UIMC1: variants seen among roughly 807,000 people sequenced by gnomAD.
UIMC1 encodes the protein BRCA1-A complex subunit RAP80.
UIMC1 carries 42 observed loss-of-function variants against 84.9 expected under a neutral mutation model. The ratio of observed to expected loss-of-function variants is 0.49; its 90% CI spans 0.39 to 0.64. The LOEUF (loss-of-function observed/expected upper bound fraction) is 0.64. Among genes scored for constraint, UIMC1 ranks in the 30% least tolerant of loss-of-function variants. The pLI is 0.00. For synonymous variants in UIMC1, 281 were observed against 293.0 expected, an observed-to-expected ratio of 0.96 and a Z score of 0.42; for missense variants, 825 against 847.6, an observed-to-expected ratio of 0.97 and a Z score of 0.33.
At position 176,971,375 on chromosome 5, in the gene UIMC1, C is replaced by T. The variant is rs372283824; in HGVS notation, c.233-509G>A. Among the ~76,000 whole-genome samples the T allele has an allele frequency of 7.2e-5, 11 of 152,282 alleles. No individual in the cohort carries two copies. In the South Asian group the frequency reaches 2.3e-3, roughly 32 times the overall value. ...TTCATTTAAAAGGAACCGGGGTACACTGAAGAAATGGCTGGGTCCCAAGTC... is the reference window on the plus strand; with the variant it reads ...TTCATTTAAAAGGAACCGGGGTACATTGAAGAAATGGCTGGGTCCCAAGTC... On this transcript the variant is annotated intron_variant, in intron 3 of 14. Coordinates refer to ENST00000511320, the MANE Select transcript of UIMC1 (RefSeq NM_001199298.2).
chr5:176,968,330 G>A (rs866409240), intron 6 of UIMC1, among the ~76,000 whole-genome samples: 4 of 150,522 alleles, frequency 2.7e-5, no homozygotes, highest in South Asian at 4.2e-4. Context: ...CGAAGATTGC[G>A]CCATTGCACT....
intron 8 of UIMC1, among the ~76,000 whole-genome samples, chr5:176,953,679 T>C (rs925087296): frequency 2.0e-5 from 3 of 152,182 alleles, no homozygotes; most frequent in Non-Finnish European, 4.4e-5. Context: ...TCAATTATGC[T>C]TTCTGTGAAT....
At chr5:176,980,571 T>C (rs960755480) in intron 2 of UIMC1, among the ~76,000 whole-genome samples, 2 of 152,218 alleles carry the variant, frequency 1.3e-5, no homozygotes, top group Non-Finnish European at 2.9e-5. Flanking sequence ...AAAGAAATTA[T>C]TGCTTATGGT....
At chr5:176,964,079 G>T (rs1767941685) in intron 6 of UIMC1, among the ~76,000 whole-genome samples, 1 of 152,134 alleles carries the variant, frequency 6.6e-6, no homozygotes, top group African/African-American at 2.4e-5. Flanking sequence ...GCCCCAAAGT[G>T]AATGTTTCTC....
chr5:177,006,385 G>C (rs763909411), intron 1 of UIMC1: 2 of 152,208 alleles, frequency 1.3e-5, no homozygotes, highest in African/African-American at 4.8e-5. Context: ...AATCGGGAGG[G>C]TCCCAGCCCC....
At chr5:176,955,875 G>T in intron 8 of UIMC1, 84 bp downstream of exon 8, 3 of 1,328,362 alleles carry the variant, frequency 2.3e-6, no homozygotes, top group Non-Finnish European at 3.2e-6. Flanking sequence ...CAGAGAGTAG[G>T]TTTGAAGAGT....
At chr5:176,930,801 TAC>T in intron 10 of UIMC1, among the ~76,000 whole-genome samples, 1 of 152,348 alleles carries the variant, frequency 6.6e-6, no homozygotes, top group Non-Finnish European at 1.5e-5. Flanking sequence ...CTCACAGGTT[TAC>T]AGAGGCAACT....
intron 2 of UIMC1, among the ~76,000 whole-genome samples, chr5:176,977,780 G>A (rs1277529198): frequency 1.3e-5 from 2 of 151,566 alleles, no homozygotes; most frequent in South Asian, 4.2e-4. Flanking sequence ...TGTGGTGGCA[G>A]GCACCTGTAA....
At chr5:176,996,205 T>C (rs1024819244) in intron 1 of UIMC1, among the ~76,000 whole-genome samples, 6 of 152,122 alleles carry the variant, frequency 3.9e-5, no homozygotes, top group Non-Finnish European at 8.8e-5. Context: ...CTACAAACTA[T>C]GATTCTACCT....
At chr5:176,967,216 GA>G (rs1296262806) in intron 6 of UIMC1, among the ~76,000 whole-genome samples, 4 of 151,696 alleles carry the variant, frequency 2.6e-5, no homozygotes, top group African/African-American at 9.7e-5. Flanking sequence ...CCATGTGGAT[GA>G]AATGTCTTCT....
chr5:176,922,200 A>G (rs562232602), intron 10 of UIMC1, among the ~76,000 whole-genome samples: 11 of 152,280 alleles, frequency 7.2e-5, no homozygotes, highest in Admixed American at 3.9e-4. Context: ...CAAAAAGGTA[A>G]GCTTTATAAG....
chr5:176,984,455 C>T (rs1366192846), intron 1 of UIMC1, among the ~76,000 whole-genome samples: 1 of 143,962 alleles, frequency 6.9e-6, no homozygotes, highest in African/African-American at 2.6e-5. Flanking sequence ...GGCTGCCTAT[C>T]GTCTGGGATG....
At chr5:176,970,513 T>C (rs1426570031) in intron 4 of UIMC1, 6 of 570,344 alleles carry the variant, frequency 1.1e-5, no homozygotes, top group Admixed American at 3.1e-5. Flanking sequence ...AACCATGAAC[T>C]AAAAAATCCA....
At chr5:176,916,615 T>C (rs1761007732) in intron 10 of UIMC1, among the ~76,000 whole-genome samples, 1 of 152,256 alleles carries the variant, frequency 6.6e-6, no homozygotes, top group East Asian at 1.9e-4. Flanking sequence ...TCATATCAGA[T>C]ACTGTAAGAG....
chr5:176,941,887 A>C (rs1424931071), intron 10 of UIMC1, among the ~76,000 whole-genome samples: 1 of 152,018 alleles, frequency 6.6e-6, no homozygotes, highest in Non-Finnish European at 1.5e-5. Flanking sequence ...CTTGTTGCCC[A>C]GGCTGGAGTG....
chr5:176,917,240 C>G (rs552425431), intron 10 of UIMC1, among the ~76,000 whole-genome samples: 1 of 152,224 alleles, frequency 6.6e-6, no homozygotes, highest in Admixed American at 6.5e-5. Context: ...CTACAACCAA[C>G]GACCTCAGAG....
intron 12 of UIMC1, among the ~76,000 whole-genome samples, chr5:176,908,000 T>C (rs1292611444): frequency 2.0e-5 from 3 of 152,322 alleles, no homozygotes; most frequent in Middle Eastern, 3.4e-3. Flanking sequence ...GATATAAACA[T>C]TAATAGTAAT....
In UIMC1 at chr5:177,001,776, A is replaced by T. The variant is rs966213361; in HGVS notation, c.-9+4874T>A. 2.2e-5 allele frequency among the ~76,000 whole-genome samples: 3 copies of T among 133,442 alleles called. No homozygotes were observed. In the South Asian group the frequency reaches 7.4e-4, roughly 33 times the overall value. The allele number at this position is 133,442 out of a possible 152,430, so 87.5% of individuals were successfully genotyped here. Reference sequence around the variant, plus strand: ...AACACAGTGAAAACCCGGCTCTACTAAAAAAAAAAAAAAAATACAAAACAT... The same window carrying T: ...AACACAGTGAAAACCCGGCTCTACTTAAAAAAAAAAAAAAATACAAAACAT... On this transcript the variant is annotated intron_variant, in intron 1 of 14. Transcript: ENST00000511320.
intron 10 of UIMC1, among the ~76,000 whole-genome samples, chr5:176,919,570 C>T (rs1761444049): frequency 6.6e-6 from 1 of 152,180 alleles, no homozygotes; most frequent in African/African-American, 2.4e-5. Context: ...CCTCCTGCCT[C>T]AGCCTCCCAA....
Sources: allele counts gnomAD v4.1 joint callset (sites outside exome capture counted in the v4.1 genomes callset), GRCh38; gene constraint gnomAD v4.1.1; transcripts MANE v1.5; gene names NCBI Gene and HGNC (gene_info 2026-07-23, HGNC 2026-07-21).